The following WAC variants were observed in gnomAD, a reference collection of about 807,000 sequenced individuals.
The protein encoded by WAC is WW domain-containing adapter protein with coiled-coil.
In WAC, 11 loss-of-function variants were observed where a neutral mutation model predicts 79.6. That is an observed-to-expected ratio of 0.14 (90% CI 0.09 to 0.23). The LOEUF is 0.23. WAC is among the 10% of genes least tolerant of loss of function. The probability of loss-of-function intolerance (pLI) is 1.00; values close to 1 mark genes in which losing one functional copy is unlikely to be tolerated. For missense variants in WAC, 728 were observed against 773.5 expected (o/e 0.94, Z 0.70); for synonymous variants, 304 against 276.9 (o/e 1.10, Z -0.97).
intron 7 of WAC, among the ~76,000 whole-genome samples, chr10:28,597,184 A>G (rs1353993388): frequency 6.6e-6 from 1 of 152,108 alleles, no homozygotes; most frequent in African/African-American, 2.4e-5. Flanking sequence ...CTTGTTCCAA[A>G]TGTCAAATTC....
chr10:28,578,932 A>T (rs535176367), intron 3 of WAC, among the ~76,000 whole-genome samples: 37 of 152,246 alleles, frequency 2.4e-4, no homozygotes, highest in African/African-American at 8.4e-4. Context: ...TAAGCACTGG[A>T]AGGGAGAATT....
rs374324472 is a variant in WAC, at chr10:28,610,760, T to C, written c.1227T>C (p.Ala409=). The change falls in exon 9 of 14, where the codon GCT becomes GCC. Residue 409 remains alanine, a synonymous_variant. Coordinates refer to ENST00000354911, the MANE Select transcript of WAC (RefSeq NM_016628.5). The part of the protein sequence containing the change: ...LQSIIHKFLT[A]GPSAFNITSL... The stretch of plus-strand genomic sequence containing the variant: ...CTATAATTCATAAGTTTCTTACTGC[T>C]GGACCATCTGCTTTCAACATAACGT... 1.9e-6 allele frequency: 3 copies of C among 1,612,866 alleles called. No homozygotes were observed. In the African/African-American group the frequency reaches 4.0e-5, roughly 22 times the overall value.
At position 28,565,186 on chromosome 10, in the gene WAC, C is replaced by T. The variant is rs189763009; in HGVS notation, c.275-18213C>T. Among the ~76,000 whole-genome samples the T allele has an allele frequency of 2.9e-3, 435 of 152,278 alleles. 3 individuals are homozygous for T. Among genetic ancestry groups the T allele is most frequent in the Non-Finnish European group, 4.4e-3 (302 of 68,022 alleles). On this transcript the variant is annotated intron_variant, in intron 3 of 13. Transcript: ENST00000354911. ...TGTTTTAACCGCTGGTTTGAATGTCCCACAATTTGTTTAACCATACGCCAT... is the reference window on the plus strand; with the variant it reads ...TGTTTTAACCGCTGGTTTGAATGTCTCACAATTTGTTTAACCATACGCCAT...
intron 3 of WAC, among the ~76,000 whole-genome samples, chr10:28,539,290 A>G (rs1320738947): frequency 1.3e-5 from 2 of 152,182 alleles, no homozygotes; most frequent in Non-Finnish European, 2.9e-5. Context: ...GAAATCAGGG[A>G]TTGTGAAGGT....
intron 7 of WAC, among the ~76,000 whole-genome samples, chr10:28,597,081 A>G (rs1189876939): frequency 1.3e-5 from 2 of 152,100 alleles, no homozygotes; most frequent in African/African-American, 4.8e-5. Flanking sequence ...TAATACATGC[A>G]TATGTATTAT....
chr10:28,599,170 TA>T (rs1840519579), intron 7 of WAC, among the ~76,000 whole-genome samples: 1 of 152,206 alleles, frequency 6.6e-6, no homozygotes, highest in African/African-American at 2.4e-5. Flanking sequence ...TTAAAATGAT[TA>T]AAACAAGTAA....
intron 11 of WAC, 148 bp downstream of exon 11, chr10:28,614,833 G>C: frequency 1.5e-6 from 1 of 651,710 alleles, no homozygotes; most frequent in Non-Finnish European, 2.5e-6. Flanking sequence ...AATTTACAAA[G>C]ACAAACCTGT....
chr10:28,541,938 TGCCAGTCACCTC>T (rs1837075786), intron 3 of WAC, among the ~76,000 whole-genome samples: 1 of 152,166 alleles, frequency 6.6e-6, no homozygotes, highest in Non-Finnish European at 1.5e-5. Flanking sequence ...CCAGTTAAAA[TGCCAGTCACCTC>T]ACATCTCTCT....
At chr10:28,584,073 A>T (rs1231660652) in intron 4 of WAC, among the ~76,000 whole-genome samples, 1 of 152,216 alleles carries the variant, frequency 6.6e-6, no homozygotes, top group Non-Finnish European at 1.5e-5. Context: ...ATAAGGTTTT[A>T]ATTCACCAGG....
At position 28,593,655 on chromosome 10, in the gene WAC, C is replaced by A. The variant is rs139588403; in HGVS notation, c.611-2078C>A. Among the ~76,000 whole-genome samples the A allele has an allele frequency of 3.4e-3, 519 of 151,618 alleles. 2 individuals carry two copies. Among genetic ancestry groups the A allele is most frequent in the African/African-American group, 0.012 (493 of 41,300 alleles). On this transcript the variant is annotated intron_variant, in intron 6 of 13. Transcript: ENST00000354911. ...TGGTGGTGCGCGCCTGTAATCCCAG[C>A]CACGTGGGAGGCTGAGGCAGGCAGA...
At chr10:28,568,306 T>G (rs1199555726) in intron 3 of WAC, among the ~76,000 whole-genome samples, 6 of 152,242 alleles carry the variant, frequency 3.9e-5, no homozygotes, top group African/African-American at 1.4e-4. Context: ...ATTAATGGCT[T>G]TTTAAGTCAA....
At chr10:28,557,774 T>C (rs961340326) in intron 3 of WAC, among the ~76,000 whole-genome samples, 2 of 152,168 alleles carry the variant, frequency 1.3e-5, no homozygotes, top group African/African-American at 4.8e-5. Flanking sequence ...TTGATAGATG[T>C]TAAGAAAATA....
intron 10 of WAC, among the ~76,000 whole-genome samples, chr10:28,612,756 A>G (rs1841301469): frequency 6.6e-6 from 1 of 152,084 alleles, no homozygotes; most frequent in African/African-American, 2.4e-5. Context: ...GTCAATTTAG[A>G]TTGATTTTTA....
At chr10:28,550,247 T>C (rs1269152870) in intron 3 of WAC, among the ~76,000 whole-genome samples, 1 of 151,738 alleles carries the variant, frequency 6.6e-6, no homozygotes, top group Non-Finnish European at 1.5e-5. Flanking sequence ...CTCTGCCTTC[T>C]CTATAATCTA....
chr10:28,549,800 T>C (rs1327176234), intron 3 of WAC, among the ~76,000 whole-genome samples: 17 of 152,176 alleles, frequency 1.1e-4, no homozygotes, highest in Admixed American at 1.0e-3. Context: ...TGAACTGTTA[T>C]GTCCATGCCT....
intron 3 of WAC, among the ~76,000 whole-genome samples, chr10:28,566,725 G>T (rs1032370384): frequency 2.6e-5 from 4 of 152,148 alleles, no homozygotes; most frequent in African/African-American, 9.7e-5. Flanking sequence ...AAAAGTCCAA[G>T]GTCAGCCCAT....
chr10:28,552,751 G>GA (rs57780410), intron 3 of WAC, among the ~76,000 whole-genome samples: 1 of 150,216 alleles, frequency 6.7e-6, no homozygotes, highest in Non-Finnish European at 1.5e-5. Flanking sequence ...ATTAAAATGA[G>GA]AAAAAAAGAG....
At chr10:28,560,662 TGAGTA>T (rs1838251640) in intron 3 of WAC, among the ~76,000 whole-genome samples, 1 of 152,094 alleles carries the variant, frequency 6.6e-6, no homozygotes, top group African/African-American at 2.4e-5. Context: ...TTAAAGAAAT[TGAGTA>T]AAGACCAGGA....
intron 13 of WAC, 135 bp from the exon 14 acceptor site, chr10:28,619,402 A>G: frequency 1.5e-6 from 1 of 649,278 alleles, no homozygotes; most frequent in Non-Finnish European, 2.6e-6. Context: ...ATTTATAGTT[A>G]AATAATTTTT....
Sources: allele counts gnomAD v4.1 joint callset (sites outside exome capture counted in the v4.1 genomes callset), GRCh38; gene constraint gnomAD v4.1.1; transcripts MANE v1.5; gene names NCBI Gene and HGNC (gene_info 2026-07-23, HGNC 2026-07-21).